Variants in C12orf42 observed in about 807,000 individuals in gnomAD.
C12orf42 encodes the protein uncharacterized protein C12orf42.
Under a neutral mutation model 21.6 loss-of-function variants are expected in C12orf42, and 25 were observed. The ratio of observed to expected loss-of-function variants is 1.16; its 90% confidence interval spans 0.84 to 1.62. The LOEUF (loss-of-function observed/expected upper bound fraction) is 1.62. Ranked by LOEUF, C12orf42 falls within the 40% of genes most tolerant of loss-of-function variation. The pLI is 0.00. For missense variants in C12orf42, 483 were observed against 459.3 expected (o/e 1.05, Z -0.47); for synonymous variants, 174 against 175.0 (o/e 0.99, Z 0.05).
chr12:103,205,038 A>G, the C12orf42 span, among the ~76,000 whole-genome samples: 1 of 152,204 alleles, frequency 6.6e-6, no homozygotes, highest in Non-Finnish European at 1.5e-5. Context: ...AGGGAAGTGG[A>G]AGATAACACC....
the C12orf42 span, among the ~76,000 whole-genome samples, chr12:103,152,335 T>C: frequency 1.3e-5 from 2 of 152,184 alleles, no homozygotes; most frequent in Non-Finnish European, 2.9e-5. Context: ...TAATTTGTTA[T>C]GCAGCAGTAG....
At chr12:103,185,590 T>C in the C12orf42 span, among the ~76,000 whole-genome samples, 1 of 152,108 alleles carries the variant, frequency 6.6e-6, no homozygotes, top group Non-Finnish European at 1.5e-5. Flanking sequence ...TGACTCTATG[T>C]TCCCACCCAG....
At chr12:103,137,298 G>A in the C12orf42 span, among the ~76,000 whole-genome samples, 12 of 151,398 alleles carry the variant, frequency 7.9e-5, no homozygotes, top group African/African-American at 2.2e-4. Context: ...CCAGGGAAAC[G>A]CAGATCAAAA....
downstream of C12orf42, among the ~76,000 whole-genome samples, chr12:103,299,411 G>T (rs918700865): frequency 9.2e-5 from 14 of 151,744 alleles, no homozygotes; most frequent in African/African-American, 2.9e-4. Flanking sequence ...ATTCACTAGA[G>T]ATTATCCTAA....
intron 2 of C12orf42, among the ~76,000 whole-genome samples, chr12:103,473,430 G>C (rs1442360780): frequency 6.6e-6 from 1 of 152,094 alleles, no homozygotes; most frequent in Admixed American, 6.5e-5. Context: ...CATGCTAAAA[G>C]CTACACAGCC....
the C12orf42 span, among the ~76,000 whole-genome samples, chr12:103,517,601 T>A: frequency 6.6e-6 from 1 of 150,626 alleles, no homozygotes; most frequent in Non-Finnish European, 1.5e-5. Context: ...CTTTTCTGAT[T>A]TTTTTTTATT....
the C12orf42 span, among the ~76,000 whole-genome samples, chr12:103,219,454 G>A: frequency 1.3e-5 from 2 of 152,036 alleles, no homozygotes; most frequent in Non-Finnish European, 2.9e-5. Context: ...AAAAGAAACT[G>A]TCATCAGACT....
At chr12:103,422,583 A>G (rs1282620084) in intron 2 of C12orf42, among the ~76,000 whole-genome samples, 3 of 152,182 alleles carry the variant, frequency 2.0e-5, no homozygotes, top group Non-Finnish European at 4.4e-5. Context: ...TGATACCTCA[A>G]TGCAAATGTC....
downstream of C12orf42, among the ~76,000 whole-genome samples, chr12:103,298,195 T>C (rs533843981): frequency 6.6e-5 from 10 of 152,058 alleles, no homozygotes; most frequent in Admixed American, 2.6e-4. Context: ...TGATTGTGTA[T>C]CTGGAAAACC....
intron 4 of C12orf42, among the ~76,000 whole-genome samples, chr12:103,368,632 C>T (rs573052194): frequency 3.9e-5 from 6 of 152,186 alleles, no homozygotes; most frequent in African/African-American, 1.4e-4. Context: ...ACAAACCCAA[C>T]TTAGTGAAGA....
At chr12:103,344,623 CAATT>C (rs2042452257) in intron 4 of C12orf42, among the ~76,000 whole-genome samples, 2 of 152,088 alleles carry the variant, frequency 1.3e-5, no homozygotes, top group Non-Finnish European at 2.9e-5. Flanking sequence ...TTGATTGGAT[CAATT>C]AAACTGTTCA....
chr12:103,209,630 G>A, the C12orf42 span, among the ~76,000 whole-genome samples: 20 of 152,164 alleles, frequency 1.3e-4, no homozygotes, highest in African/African-American at 4.8e-4. Flanking sequence ...AATTAGGACC[G>A]TTTTCAAAGG....
At chr12:103,186,433 T>TC in the C12orf42 span, among the ~76,000 whole-genome samples, 1 of 152,228 alleles carries the variant, frequency 6.6e-6, no homozygotes, top group African/African-American at 2.4e-5. Context: ...TTGCCTTTCA[T>TC]CCACGCACTT....
At chr12:103,351,392 C>T (rs2043088391) in intron 4 of C12orf42, among the ~76,000 whole-genome samples, 1 of 152,110 alleles carries the variant, frequency 6.6e-6, no homozygotes, top group Non-Finnish European at 1.5e-5. Flanking sequence ...CATGGCTGCA[C>T]AGAAGCCTCA....
intron 2 of C12orf42, among the ~76,000 whole-genome samples, chr12:103,446,790 A>T (rs906311564): frequency 2.6e-5 from 4 of 151,974 alleles, no homozygotes; most frequent in Admixed American, 2.6e-4. Flanking sequence ...TGATAAAAGG[A>T]CTAGTCCAAC....
chr12:103,234,442 G>T (rs2033406443), downstream of C12orf42, among the ~76,000 whole-genome samples: 2 of 151,976 alleles, frequency 1.3e-5, no homozygotes, highest in Non-Finnish European at 2.9e-5. Flanking sequence ...AGGGTTCTTA[G>T]TATTACTGTT....
chr12:103,276,261 CAAGCATTATACTTAATGAA>C (rs1383206866), intron 5 of C12orf42, among the ~76,000 whole-genome samples: 1 of 152,128 alleles, frequency 6.6e-6, no homozygotes, highest in Non-Finnish European at 1.5e-5. Context: ...AAACCTACAG[CAAGCATTATACTTAATGAA>C]AAAACTTTTC....
chr12:103,555,954 T>C, the C12orf42 span, among the ~76,000 whole-genome samples: 2 of 152,018 alleles, frequency 1.3e-5, no homozygotes, highest in Non-Finnish European at 2.9e-5. Context: ...GGGAGAAAGC[T>C]ACAGTGCAAA....
At chr12:103,065,925 T>C in the C12orf42 span, among the ~76,000 whole-genome samples, 1 of 152,252 alleles carries the variant, frequency 6.6e-6, no homozygotes, top group Admixed American at 6.5e-5. Flanking sequence ...AAGGCTCTGT[T>C]CAAGCTCTGT....
Sources: allele counts gnomAD v4.1 joint callset (sites outside exome capture counted in the v4.1 genomes callset), GRCh38; gene constraint gnomAD v4.1.1; transcripts MANE v1.5; gene names NCBI Gene and HGNC (gene_info 2026-07-23, HGNC 2026-07-21).